The following NRDC variants were observed in gnomAD, a reference collection of about 807,000 sequenced individuals.
The protein encoded by NRDC is nardilysin.
Under a neutral mutation model 147.1 loss-of-function variants are expected in NRDC, and 54 were observed. The ratio of observed to expected loss-of-function variants is 0.37; its 90% CI spans 0.29 to 0.46. The LOEUF is 0.46. NRDC is among the 20% of genes least tolerant of loss of function. The pLI is 1.00. For missense variants in NRDC, 1,082 were observed against 1,370.6 expected, an observed-to-expected ratio of 0.79 and a Z score of 3.33; for synonymous variants, 440 against 482.1, an observed-to-expected ratio of 0.91 and a Z score of 1.14.
intron 8 of NRDC, among the ~76,000 whole-genome samples, chr1:51,820,552 T>C (rs1680167988): frequency 6.6e-6 from 1 of 152,146 alleles, no homozygotes; most frequent in Non-Finnish European, 1.5e-5. Flanking sequence ...GATATTTCCA[T>C]AGTTCACACT....
intron 1 of NRDC, among the ~76,000 whole-genome samples, chr1:51,856,453 T>C (rs1040218096): frequency 1.3e-5 from 2 of 152,176 alleles, no homozygotes; most frequent in African/African-American, 2.4e-5. Flanking sequence ...GGCTTTCAAG[T>C]TGGGGTTCCC....
chr1:51,860,660 G>C (rs1252421196), intron 1 of NRDC, among the ~76,000 whole-genome samples: 3 of 152,128 alleles, frequency 2.0e-5, no homozygotes, highest in Non-Finnish European at 4.4e-5. Flanking sequence ...TTACTTTTCT[G>C]GGGGTGACTT....
chr1:51,853,355 G>A (rs1204433261), intron 1 of NRDC, among the ~76,000 whole-genome samples: 2 of 152,058 alleles, frequency 1.3e-5, no homozygotes, highest in Admixed American at 6.6e-5. Flanking sequence ...TTTGCCTCTT[G>A]AGAGGAGCAA....
At chr1:51,864,496 GTACT>G (rs1682707446) in intron 1 of NRDC, among the ~76,000 whole-genome samples, 1 of 152,086 alleles carries the variant, frequency 6.6e-6, no homozygotes, top group Non-Finnish European at 1.5e-5. Flanking sequence ...TGATATACAA[GTACT>G]TACTTAATAT....
chr1:51,824,121 T>C (rs936739526), intron 6 of NRDC, among the ~76,000 whole-genome samples: 1 of 150,216 alleles, frequency 6.7e-6, no homozygotes, highest in Admixed American at 6.6e-5. Context: ...TTTGCCTAAT[T>C]CTTTTTTTTT....
intron 2 of NRDC, 80 bp downstream of exon 2, chr1:51,840,146 T>C (rs571023998): frequency 9.0e-7 from 1 of 1,116,600 alleles, no homozygotes; most frequent in African/African-American, 1.6e-5. Context: ...TACTTCCTTT[T>C]TGCCATTAAA....
intron 22 of NRDC, chr1:51,795,415 A>C (rs997657493): frequency 3.2e-5 from 8 of 249,032 alleles, no homozygotes; most frequent in Non-Finnish European, 6.5e-5. Flanking sequence ...TCGGAAAAAC[A>C]GGCAGCCTAT....
intron 20 of NRDC, among the ~76,000 whole-genome samples, chr1:51,803,433 C>T (rs1364164822): frequency 2.0e-5 from 3 of 151,094 alleles, no homozygotes; most frequent in Non-Finnish European, 4.4e-5. Context: ...CAAGATCACA[C>T]CACTGCATTC....
intron 14 of NRDC, among the ~76,000 whole-genome samples, chr1:51,812,623 A>G (rs1679780916): frequency 6.6e-6 from 1 of 152,120 alleles, no homozygotes; most frequent in African/African-American, 2.4e-5. Flanking sequence ...CCTATAACCC[A>G]TTAGGTTCTA....
Position 51,839,809 on chromosome 1 carries a change from C to T in NRDC, c.630+417G>A, listed in dbSNP as rs115023692. On this transcript the variant is annotated intron_variant, in intron 2 of 30. Transcript: ENST00000352171. The stretch of plus-strand genomic sequence containing the variant: ...CCCATGTAAAGATTTCACACTAGCC[C>T]CATTCTTTTCTTCTTCTTTTTCCAG... Among the ~76,000 whole-genome samples the T allele has an allele frequency of 9.1e-3, 1,379 of 152,258 alleles. 36 individuals are homozygous for T. In the South Asian group the frequency reaches 0.097, roughly 11 times the overall value.
In NRDC at chr1:51,814,673, A is replaced by G. The variant is rs949083933; in HGVS notation, c.1560+20T>C. ...GATATCTACGTAAAAGGAAAAAACA[A>G]CTGAATTTGAATTATTTACCTCATA... On this transcript the variant is annotated intron_variant, in intron 12 of 30. Transcript: ENST00000352171. The G allele has an allele frequency of 6.2e-7, 1 of 1,605,118 alleles. No individual in the cohort carries two copies. The highest frequency in any genetic ancestry group is 1.7e-5 in the Admixed American group (1 of 58,716).
chr1:51,822,804 T>C (rs1680266511), intron 7 of NRDC, among the ~76,000 whole-genome samples: 1 of 152,138 alleles, frequency 6.6e-6, no homozygotes, highest in Admixed American at 6.5e-5. Context: ...CCACGAAACT[T>C]TACCTTCAAG....
At chr1:51,848,623 C>T (rs1571902141) in intron 1 of NRDC, among the ~76,000 whole-genome samples, 1 of 152,012 alleles carries the variant, frequency 6.6e-6, no homozygotes. Flanking sequence ...AGCAAAGTAG[C>T]CAAAATCAAA....
intron 1 of NRDC, among the ~76,000 whole-genome samples, chr1:51,843,260 A>C (rs72901904): frequency 0.026 from 3,906 of 151,344 alleles, 117 homozygotes; most frequent in South Asian, 0.097. Context: ...GCTCTCTGCT[A>C]TCCACTTGCC....
chr1:51,789,271 G>GTGTT lies in NRDC; in HGVS notation c.3417_3420dup (p.Leu1141AsnfsTer9), dbSNP rs766681417. 4 of 1,614,032 alleles carry GTGTT rather than the reference G, an allele frequency of 2.5e-6. No individual in the cohort carries two copies. Among genetic ancestry groups the GTGTT allele is most frequent in the African/African-American group, 1.3e-5 (1 of 74,916 alleles). ...ATTTTATGGTAGGGGAGAAGGTTGA[G>GTGTT]TGTTGTTGTGAAAGCCCTGATATCA... On this transcript the variant is annotated frameshift_variant, in exon 31 of 31. Coordinates refer to ENST00000352171, the MANE Select transcript of NRDC (RefSeq NM_001101662.2). LOFTEE classifies it high-confidence loss of function.
intron 21 of NRDC, 137 bp downstream of exon 21, chr1:51,800,419 G>T: frequency 2.2e-6 from 2 of 923,536 alleles, no homozygotes; most frequent in Non-Finnish European, 1.7e-6. Context: ...CTATGCACGG[G>T]TCTCCTAAAC....
chr1:51,825,578 A>G (rs1680408163), intron 5 of NRDC, among the ~76,000 whole-genome samples, 196 bp from the exon 6 acceptor site: 1 of 152,202 alleles, frequency 6.6e-6, no homozygotes, highest in South Asian at 2.1e-4. Flanking sequence ...TTTTGGGTAA[A>G]TCAATTCAGC....
chr1:51,846,710 C>T (rs1188266720), intron 1 of NRDC, among the ~76,000 whole-genome samples: 2 of 152,242 alleles, frequency 1.3e-5, no homozygotes, highest in Non-Finnish European at 2.9e-5. Context: ...AGATTTATCG[C>T]CAACAGCGAT....
At chr1:51,873,949 G>A (rs1179786754) in intron 1 of NRDC, among the ~76,000 whole-genome samples, 1 of 151,652 alleles carries the variant, frequency 6.6e-6, no homozygotes, top group Non-Finnish European at 1.5e-5. Flanking sequence ...AGCACTTTGA[G>A]AGGCAGAGGC....
Sources: allele counts gnomAD v4.1 joint callset (sites outside exome capture counted in the v4.1 genomes callset), GRCh38; gene constraint gnomAD v4.1.1; transcripts MANE v1.5; gene names NCBI Gene and HGNC (gene_info 2026-07-23, HGNC 2026-07-21).